The following PRRC2B variants were observed in gnomAD, a reference collection of about 807,000 sequenced individuals.
PRRC2B encodes proline rich coiled-coil 2B.
In PRRC2B, 68 loss-of-function variants were observed where a neutral mutation model predicts 242.3. The ratio of observed to expected loss-of-function variants is 0.28; its 90% CI spans 0.23 to 0.34. The LOEUF is 0.34. PRRC2B is among the 10% of genes least tolerant of loss of function. The pLI, the probability that PRRC2B is intolerant of heterozygous loss-of-function variation, is 1.00. For synonymous variants in PRRC2B, 1,228 were observed against 1,173.6 expected (o/e 1.05, Z -0.95); for missense variants, 2,835 against 2,954.8 (o/e 0.96, Z 0.94).
At chr9:131,408,485 G>A (rs1304116859) in intron 1 of PRRC2B, among the ~76,000 whole-genome samples, 1 of 152,184 alleles carries the variant, frequency 6.6e-6, no homozygotes, top group African/African-American at 2.4e-5. Context: ...ATCACTATGT[G>A]TATTTTTATC....
chr9:131,401,524 A>T (rs12376290), intron 1 of PRRC2B, among the ~76,000 whole-genome samples: 1 of 150,538 alleles, frequency 6.6e-6, no homozygotes, highest in African/African-American at 2.5e-5. Context: ...TAATTTTTGT[A>T]TTTTTTTGTA....
chr9:131,473,249 A>C (rs1943593226), intron 14 of PRRC2B, among the ~76,000 whole-genome samples: 1 of 152,200 alleles, frequency 6.6e-6, no homozygotes, highest in Non-Finnish European at 1.5e-5. Flanking sequence ...GTTAAGGACC[A>C]AGCCTATATC....
At chr9:131,437,141 A>C (rs1384841219) in intron 4 of PRRC2B, among the ~76,000 whole-genome samples, 4 of 151,956 alleles carry the variant, frequency 2.6e-5, no homozygotes, top group Admixed American at 6.5e-5. Flanking sequence ...TTTGAAAAAC[A>C]AAACGAAGCG....
intron 5 of PRRC2B, among the ~76,000 whole-genome samples, 166 bp from the exon 6 acceptor site, chr9:131,444,019 C>T (rs1838701037): frequency 6.6e-6 from 1 of 152,208 alleles, no homozygotes; most frequent in Admixed American, 6.5e-5. Flanking sequence ...TCTCCCTTGC[C>T]ACCCTCAGCA....
chr9:131,453,974 A>G (rs1270251817), intron 9 of PRRC2B, among the ~76,000 whole-genome samples: 2 of 152,190 alleles, frequency 1.3e-5, no homozygotes, highest in Non-Finnish European at 1.5e-5. Context: ...CCACTATTCA[A>G]TTTCAGAATG....
intron 1 of PRRC2B, among the ~76,000 whole-genome samples, chr9:131,403,085 G>T (rs947301451): frequency 6.6e-6 from 1 of 152,086 alleles, no homozygotes; most frequent in African/African-American, 2.4e-5. Context: ...AACTTTTTTC[G>T]GCAGGTGTTG....
rs1944365847 is a variant in PRRC2B at position 131,497,527 on chromosome 9, A to G, written c.*1653A>G. The stretch of plus-strand genomic sequence containing the variant: ...CTTCAGCGTCTCACGGGTGCAGGAC[A>G]GCGCTCAGGCTTGGGCTCTAAGCTC... On this transcript the variant is annotated 3_prime_UTR_variant, in exon 32 of 32. Transcript: ENST00000683519. The G allele has an allele frequency of 1.3e-5, 2 of 152,258 alleles. No homozygotes were observed. 9.4% of individuals were successfully genotyped at this position (152,258 alleles called of 1,614,324 possible).
chr9:131,453,595 A>C (rs748733362), intron 9 of PRRC2B, among the ~76,000 whole-genome samples: 2 of 152,136 alleles, frequency 1.3e-5, no homozygotes, highest in Non-Finnish European at 2.9e-5. Flanking sequence ...GCAGTGGCAC[A>C]GTCACAGCTC....
At chr9:131,480,376 A>G (rs902929062) in intron 19 of PRRC2B, among the ~76,000 whole-genome samples, 3 of 152,214 alleles carry the variant, frequency 2.0e-5, no homozygotes, top group Non-Finnish European at 1.5e-5. Flanking sequence ...CATCAATAAC[A>G]CTACATTTGG....
At chr9:131,390,242 T>G (rs907484801), upstream of PRRC2B, among the ~76,000 whole-genome samples, 1 of 149,906 alleles carries the variant, frequency 6.7e-6, no homozygotes, top group African/African-American at 2.4e-5. Context: ...GTAGTGGCCC[T>G]TCTCTGCCCA....
At position 131,455,152 on chromosome 9, in the gene PRRC2B, C is replaced by T. The variant is rs370068075; in HGVS notation, c.1197C>T (p.Asp399=). 32 of 1,613,282 alleles carry T rather than the reference C, an allele frequency of 2.0e-5. No individual in the cohort carries two copies. In the Admixed American group the frequency reaches 3.0e-4, roughly 15 times the overall value. Residue 399 remains aspartate (D), a synonymous_variant, in exon 10 of 32, where the codon GAC becomes GAT. Coordinates refer to ENST00000683519, the MANE Select transcript of PRRC2B (RefSeq NM_013318.4). ...DDEEEEEVVK[D]GRPKWNSWDP... is the part of the protein sequence containing the mutation. ...AAGAGGAGGAAGAAGTTGTGAAGGA[C>T]GGCAGGCCAAAGTGGTAAGGACCCG...
At chr9:131,457,839 G>C (rs1943126913) in intron 10 of PRRC2B, among the ~76,000 whole-genome samples, 1 of 152,162 alleles carries the variant, frequency 6.6e-6, no homozygotes, top group African/African-American at 2.4e-5. Context: ...TGTCCCCTCT[G>C]TAATTGTTGT....
rs1468997478 is a variant in PRRC2B, at chr9:131,424,769, G to GT, written c.-51-5322dup. Among the ~76,000 whole-genome samples, 15 of 152,310 alleles carry GT rather than the reference G, an allele frequency of 9.8e-5. No homozygotes were observed. In the East Asian group the frequency reaches 2.7e-3, roughly 27 times the overall value. On this transcript the variant is annotated intron_variant, in intron 1 of 31. Transcript: ENST00000683519. ...TTAAGTGCAGATGTTAGTCCAATGT[G>GT]TTTCTTGTACTGGCTTCACCAAGGC...
In PRRC2B at chr9:131,412,047, T is replaced by A. The variant is rs545744891; in HGVS notation, c.-52+17784T>A. ...ATCTCAAATTCCTCACCTCAAGCGA[T>A]CCTCTCACTTCGGACTCTCAGAGTG... is the stretch of plus-strand genomic sequence containing the variant. On this transcript the variant is annotated intron_variant, in intron 1 of 31. Transcript: ENST00000683519. Among the ~76,000 whole-genome samples the A allele has an allele frequency of 3.7e-4, 56 of 152,108 alleles. No homozygotes were observed. In the Middle Eastern group the frequency reaches 0.014, roughly 37 times the overall value.
At chr9:131,426,236 G>A (rs1375487049) in intron 1 of PRRC2B, among the ~76,000 whole-genome samples, 2 of 150,124 alleles carry the variant, frequency 1.3e-5, no homozygotes, top group Non-Finnish European at 2.9e-5. Context: ...TACTCAGGAG[G>A]CTGACACAGG....
intron 1 of PRRC2B, among the ~76,000 whole-genome samples, chr9:131,373,926 G>C (rs1265077414): frequency 6.6e-6 from 1 of 152,166 alleles, no homozygotes; most frequent in Non-Finnish European, 1.5e-5. Context: ...GGGCGCGGTG[G>C]CGGGCGCCTG....
At position 131,481,744 on chromosome 9, in the gene PRRC2B, C is replaced by T; in HGVS notation, c.4919C>T (p.Pro1640Leu). 1 of 1,564,650 alleles carries T rather than the reference C, an allele frequency of 6.4e-7. No individual in the cohort carries two copies. Among genetic ancestry groups the T allele is most frequent in the Non-Finnish European group, 8.7e-7 (1 of 1,155,206 alleles). The part of the protein sequence containing the change: ...SSSQALPVQA[P>L]ANDSWRKAVT... ...CTGGCAGCTCTCCCTGTGCAGGCCC[C>T]AGCCAACGACTCCTGGAGGAAAGCT... The change falls in exon 20 of 32, where the codon CCA (proline) becomes CTA (leucine). Residue 1640 changes from proline (P) to leucine (L), a missense_variant. Transcript: ENST00000683519.
At chr9:131,422,315 A>G (rs1047155811) in intron 1 of PRRC2B, among the ~76,000 whole-genome samples, 2 of 152,216 alleles carry the variant, frequency 1.3e-5, no homozygotes, top group South Asian at 4.1e-4. Context: ...GGCCTCCCAA[A>G]GCACTGGGAT....
chr9:131,481,658 T>A (rs997870321), intron 19 of PRRC2B, 68 bp from the exon 20 acceptor site: 8 of 1,274,060 alleles, frequency 6.3e-6, no homozygotes, highest in Non-Finnish European at 2.2e-6. Flanking sequence ...GCTTGTTCTT[T>A]AAGAGCTCAT....
Sources: allele counts gnomAD v4.1 joint callset (sites outside exome capture counted in the v4.1 genomes callset), GRCh38; gene constraint gnomAD v4.1.1; transcripts MANE v1.5; gene names NCBI Gene and HGNC (gene_info 2026-07-23, HGNC 2026-07-21).